The following BCAS3 variants were observed in gnomAD, a reference collection of about 807,000 sequenced individuals.
BCAS3 encodes the protein BCAS4/BCAS3 fusion.
BCAS3 carries 53 observed loss-of-function variants against 116.1 expected under a neutral mutation model. The observed-to-expected ratio is 0.46, with a 90% CI of 0.37 to 0.57. BCAS3 has a LOEUF of 0.57. Ranked by LOEUF, BCAS3 falls within the 20% of genes least tolerant of loss-of-function variation. The pLI is 0.00. For synonymous variants in BCAS3, 391 were observed against 408.2 expected (o/e 0.96, Z 0.51); for missense variants, 917 against 1,165.4 (o/e 0.79, Z 3.10).
At chr17:60,901,894 G>T (rs1004533809) in intron 10 of BCAS3, among the ~76,000 whole-genome samples, 25 of 152,156 alleles carry the variant, frequency 1.6e-4, no homozygotes, top group Admixed American at 1.6e-3. Flanking sequence ...TCTGGCTAAT[G>T]ACATTTTTTG....
chr17:61,291,748 A>G (rs2052432332), intron 22 of BCAS3, among the ~76,000 whole-genome samples: 1 of 152,168 alleles, frequency 6.6e-6, no homozygotes, highest in African/African-American at 2.4e-5. Flanking sequence ...AGCTCTTAAA[A>G]TAGCTGGAAA....
intron 22 of BCAS3, among the ~76,000 whole-genome samples, chr17:61,108,231 C>G (rs2074803549): frequency 6.6e-6 from 1 of 152,044 alleles, no homozygotes; most frequent in African/African-American, 2.4e-5. Context: ...AGGTAGCCAC[C>G]CCCACTTTCC....
chr17:60,953,906 G>A (rs190611544), intron 14 of BCAS3, among the ~76,000 whole-genome samples: 2 of 152,006 alleles, frequency 1.3e-5, no homozygotes, highest in Admixed American at 6.6e-5. Context: ...GCTAATTTTT[G>A]TATTTTTAGT....
chr17:61,365,669 T>G lies in BCAS3; in HGVS notation c.2426-2658T>G, dbSNP rs184045956. On this transcript the variant is annotated intron_variant, in intron 22 of 23. Transcript: ENST00000407086. The surrounding 1 kb of genome is among the most constrained non-coding windows in gnomAD (Gnocchi z 4.6). ...TGTTTGTTTTCTTCCTGCTTTGGCT[T>G]TTGATATTCCTCTTGGTCCCGCTGT... Among the ~76,000 whole-genome samples the G allele has an allele frequency of 4.7e-3, 708 of 152,212 alleles. 15 individuals are homozygous for G. Among genetic ancestry groups the G allele is most frequent in the Admixed American group, 0.04 (616 of 15,294 alleles).
At chr17:61,099,383 G>A in intron 22 of BCAS3, among the ~76,000 whole-genome samples, 1 of 152,042 alleles carries the variant, frequency 6.6e-6, no homozygotes, top group East Asian at 1.9e-4. Context: ...AACCATTGTT[G>A]ATTTCTTATA....
intron 19 of BCAS3, among the ~76,000 whole-genome samples, chr17:61,042,195 TAAG>T (rs2067568210): frequency 1.3e-5 from 2 of 152,026 alleles, no homozygotes; most frequent in Admixed American, 1.3e-4. Flanking sequence ...TGATATGAAA[TAAG>T]AATCATGAGT....
rs1201109677 is a variant in BCAS3, at chr17:61,028,055, A to T, written c.1638-6611A>T. 6.6e-6 allele frequency among the ~76,000 whole-genome samples: 1 copy of T among 151,894 alleles called. No individual in the cohort carries two copies. Among genetic ancestry groups the T allele is most frequent in the Non-Finnish European group, 1.5e-5 (1 of 67,804 alleles). On this transcript the variant is annotated intron_variant, in intron 16 of 23. Transcript: ENST00000407086. The surrounding 1 kb of genome is among the most constrained non-coding windows in gnomAD (Gnocchi z 4.3). Reference sequence around the variant, plus strand: ...AGTTCTGCACATATGTGTAGTTCTCATAACTGCTAAATGGGGATTGTTCAT... The same window carrying T: ...AGTTCTGCACATATGTGTAGTTCTCTTAACTGCTAAATGGGGATTGTTCAT...
At chr17:60,697,418 A>C (rs1267787501) in intron 4 of BCAS3, among the ~76,000 whole-genome samples, 1 of 151,506 alleles carries the variant, frequency 6.6e-6, no homozygotes, top group African/African-American at 2.4e-5. Context: ...AAATAAATAA[A>C]TAAATAACTA....
At chr17:61,297,969 G>A (rs2053086066) in intron 22 of BCAS3, among the ~76,000 whole-genome samples, 2 of 152,168 alleles carry the variant, frequency 1.3e-5, no homozygotes, top group African/African-American at 2.4e-5. Flanking sequence ...CAGCTGAGCA[G>A]CTAACTTGGG....
intron 12 of BCAS3, among the ~76,000 whole-genome samples, chr17:60,920,890 ACAACAAC>A (rs2145143975): frequency 6.7e-6 from 1 of 148,962 alleles, no homozygotes; most frequent in South Asian, 2.1e-4. Context: ...AACAACAACA[ACAACAAC>A]AACAACAACA....
chr17:60,736,274 A>G (rs1483392610), intron 5 of BCAS3, among the ~76,000 whole-genome samples: 1 of 151,786 alleles, frequency 6.6e-6, no homozygotes, highest in Non-Finnish European at 1.5e-5. Context: ...ATCTATGTTC[A>G]TGAGAGATAT....
intron 7 of BCAS3, among the ~76,000 whole-genome samples, chr17:60,839,486 G>A (rs1436173514): frequency 1.3e-5 from 2 of 152,120 alleles, no homozygotes; most frequent in African/African-American, 4.8e-5. Context: ...TTGTGCGAGT[G>A]TCGGAAGGTT....
At chr17:61,342,634 G>A (rs1009547580) in intron 22 of BCAS3, among the ~76,000 whole-genome samples, 9 of 152,178 alleles carry the variant, frequency 5.9e-5, no homozygotes, top group East Asian at 1.9e-4. Flanking sequence ...TGCAGCAGGC[G>A]TATGCTGACC....
intron 10 of BCAS3, chr17:60,899,877 G>A (rs2057766345): frequency 6.6e-6 from 1 of 152,052 alleles, no homozygotes; most frequent in Non-Finnish European, 1.5e-5. Flanking sequence ...AACCAGGTTT[G>A]AAAATGATGT....
rs9898811 is a variant in BCAS3 at position 61,278,850 on chromosome 17, T to G, written c.2426-89477T>G. On this transcript the variant is annotated intron_variant, in intron 22 of 23. Coordinates refer to ENST00000407086, the MANE Select transcript of BCAS3 (RefSeq NM_017679.5). The surrounding 1 kb of genome is among the most constrained non-coding windows in gnomAD (Gnocchi z 5.8). ...GGGAGATTGGGAGGTAGTGGCTAAG[T>G]GGTACAGGGTTTCTTTTCAGAACAA... is the stretch of plus-strand genomic sequence containing the variant. Among the ~76,000 whole-genome samples the G allele has an allele frequency of 0.19, 28,154 of 152,028 alleles. 4,652 individuals carry two copies. Among genetic ancestry groups the G allele is most frequent in the African/African-American group, 0.45 (18,543 of 41,422 alleles).
chr17:61,015,344 G>T (rs752517811), intron 15 of BCAS3, among the ~76,000 whole-genome samples: 9 of 152,186 alleles, frequency 5.9e-5, no homozygotes, highest in Non-Finnish European at 8.8e-5. Context: ...GGCTTGGAGT[G>T]CAGGGGTGCT....
At chr17:61,165,224 A>G (rs922047979) in intron 22 of BCAS3, among the ~76,000 whole-genome samples, 3 of 152,216 alleles carry the variant, frequency 2.0e-5, no homozygotes, top group Admixed American at 6.5e-5. Flanking sequence ...TTTTCTCCCA[A>G]AAGGAGCCTT....
chr17:60,709,649 A>G, intron 5 of BCAS3: 1 of 281,848 alleles, frequency 3.5e-6, no homozygotes, highest in South Asian at 3.4e-5. Flanking sequence ...TCAGCCTCCC[A>G]AAGTGTTGGG....
In BCAS3 at chr17:61,348,961, C is replaced by T. The variant is rs970172220; in HGVS notation, c.2426-19366C>T. 4.0e-5 allele frequency among the ~76,000 whole-genome samples: 6 copies of T among 151,864 alleles called. No individual in the cohort carries two copies. Among genetic ancestry groups the T allele is most frequent in the Admixed American group, 2.0e-4 (3 of 15,238 alleles). On this transcript the variant is annotated intron_variant, in intron 22 of 23. Transcript: ENST00000407086. This position sits in a 1 kb window ranked among gnomAD's most constrained non-coding sequence, Gnocchi z 4.5. ...TAGAGATGGGGTTTCACCGTGTTAG[C>T]CAGGATGGTCTTGATCTCCTGACCT...
Sources: gnomAD v4.1 joint callset for allele counts (sites outside exome capture counted in the v4.1 genomes callset) on GRCh38, gnomAD v4.1.1 for gene constraint, Gnocchi (gnomAD v3.1) non-coding constraint, MANE v1.5 for transcripts, NCBI Gene and HGNC (gene_info 2026-07-23, HGNC 2026-07-21) for gene names.